CDH23: variants seen among roughly 807,000 people sequenced by gnomAD.
The protein encoded by CDH23 is cadherin related 23, also known as cadherin-23.
CDH23 carries 189 observed loss-of-function variants against 317.1 expected under a neutral mutation model. The ratio of observed to expected loss-of-function variants is 0.60; its 90% CI spans 0.53 to 0.67. CDH23 has a LOEUF of 0.67. CDH23 is among the 30% of genes least tolerant of loss of function. The pLI is 0.00. For missense variants in CDH23, 4,401 were observed against 4,592.4 expected (o/e 0.96, Z 1.20); for synonymous variants, 1,839 against 1,876.8 (o/e 0.98, Z 0.52).
At chr10:71,755,286 C>T in intron 38 of CDH23, 2 of 1,375,496 alleles carry the variant, frequency 1.5e-6, no homozygotes, top group East Asian at 4.9e-5. Flanking sequence ...TTTGCGAATC[C>T]CAGGGGCTGA....
chr10:71,448,645 C>G (rs1178185628), intron 3 of CDH23, among the ~76,000 whole-genome samples: 1 of 152,228 alleles, frequency 6.6e-6, no homozygotes, highest in Non-Finnish European at 1.5e-5. Context: ...GGGCACAGCA[C>G]TGCACCTCTC....
At chr10:71,520,884 G>A (rs1190076711) in intron 6 of CDH23, among the ~76,000 whole-genome samples, 4 of 152,224 alleles carry the variant, frequency 2.6e-5, no homozygotes, top group African/African-American at 9.7e-5. Context: ...TTGTTTTGAT[G>A]TGTGCGCAGG....
At chr10:71,644,393 C>A (rs186790032) in intron 12 of CDH23, among the ~76,000 whole-genome samples, 5 of 152,334 alleles carry the variant, frequency 3.3e-5, no homozygotes, top group Admixed American at 6.5e-5. Flanking sequence ...TGGGAAAAAC[C>A]CAAGAGACTG....
intron 38 of CDH23, among the ~76,000 whole-genome samples, chr10:71,767,003 G>A (rs1215845459): frequency 6.6e-6 from 1 of 152,198 alleles, no homozygotes; most frequent in East Asian, 1.9e-4. Context: ...ATTTACCAAG[G>A]TCCTAACATG....
rs558057374 is a variant in CDH23 at position 71,572,902 on chromosome 10, C to G, written c.753+1984C>G. On this transcript the variant is annotated intron_variant, in intron 8 of 69. Transcript: ENST00000224721. ...CTTTGGGTCTCCAGGGCATCATGCCCAGAGCTAAGTGCAGGGAAGATGCCC... is the reference window on the plus strand; with the variant it reads ...CTTTGGGTCTCCAGGGCATCATGCCGAGAGCTAAGTGCAGGGAAGATGCCC... 3.9e-5 allele frequency among the ~76,000 whole-genome samples: 6 copies of G among 152,276 alleles called. No homozygotes were observed. In the East Asian group the frequency reaches 9.7e-4, roughly 25 times the overall value.
At chr10:71,664,807 C>G (rs1182414426) in intron 14 of CDH23, among the ~76,000 whole-genome samples, 1 of 151,868 alleles carries the variant, frequency 6.6e-6, no homozygotes, top group African/African-American at 2.4e-5. Context: ...CTTTGATCTC[C>G]TCCCCCTTCC....
intron 1 of CDH23, among the ~76,000 whole-genome samples, chr10:71,418,456 C>G (rs1439621884): frequency 6.6e-6 from 1 of 152,204 alleles, no homozygotes; most frequent in Non-Finnish European, 1.5e-5. Context: ...GTTCATGTCT[C>G]TGTGCCTCCC....
intron 3 of CDH23, among the ~76,000 whole-genome samples, chr10:71,503,184 C>T (rs1337715171): frequency 1.3e-5 from 2 of 152,230 alleles, no homozygotes; most frequent in Non-Finnish European, 2.9e-5. Context: ...TCCCAAGGGG[C>T]CTTAGCAGTC....
At chr10:71,688,544 GGTGGAGTCAGGGA>G (rs1865005221) in intron 19 of CDH23, among the ~76,000 whole-genome samples, 4 of 148,536 alleles carry the variant, frequency 2.7e-5, no homozygotes, top group Admixed American at 6.7e-5. Context: ...AACCAGGGAT[GGTGGAGTCAGGGA>G]TGGTGGAGCC....
chr10:71,755,252 A>C, intron 38 of CDH23: 1 of 1,021,444 alleles, frequency 9.8e-7, no homozygotes, highest in Non-Finnish European at 1.5e-6. Flanking sequence ...CTCAAATGAA[A>C]AGGAATTGTG....
In CDH23 at chr10:71,777,576, G is replaced by A. The variant is rs560033570; in HGVS notation, c.4846-104G>A. On this transcript the variant is annotated intron_variant, in intron 38 of 69. Transcript: ENST00000224721. Reference sequence around the variant, plus strand: ...CTGCTTTCTTCTCCTTGCCCTTTCTGTTTGAGTCACATGGAGTGAGTTCAG... The same window carrying A: ...CTGCTTTCTTCTCCTTGCCCTTTCTATTTGAGTCACATGGAGTGAGTTCAG... 1.2e-4 allele frequency: 120 copies of A among 977,382 alleles called. No individual in the cohort carries two copies. In the Middle Eastern group the frequency reaches 1.9e-3, roughly 15 times the overall value. The allele number at this position is 977,382 out of a possible 1,614,324, so 60.5% of individuals were successfully genotyped here. A position where few individuals can be genotyped will look rare whatever the true frequency, so the allele number is the denominator to read the frequency against.
At chr10:71,511,237 G>C in intron 6 of CDH23, 25 bp downstream of exon 6, 1 of 1,592,596 alleles carries the variant, frequency 6.3e-7, no homozygotes. Flanking sequence ...GGTTACCCTT[G>C]AGGGTATCAG....
chr10:71,753,825 G>T (rs1260885630), intron 38 of CDH23: 3 of 456,482 alleles, frequency 6.6e-6, no homozygotes, highest in Non-Finnish European at 1.3e-5. Context: ...TTACCCAAAA[G>T]TTCCTGAAAT....
In CDH23 at chr10:71,751,608, G is replaced by A. The variant is rs535064782; in HGVS notation, c.4845+9687G>A. The A allele has an allele frequency of 6.7e-6, 10 of 1,483,122 alleles. No individual in the cohort carries two copies. In the African/African-American group the frequency reaches 1.3e-4, roughly 19 times the overall value. 91.9% of individuals were successfully genotyped at this position (1,483,122 alleles called of 1,614,324 possible). On this transcript the variant is annotated intron_variant, in intron 38 of 69. Transcript: ENST00000224721. The surrounding 1 kb of genome is among the most constrained non-coding windows in gnomAD (Gnocchi z 4.9). Reference sequence around the variant, plus strand: ...GGGCAGGGAGTGAGGCCGATGCCCTGCAGGCCATGAGGTCATGACCTTACA... The same window carrying A: ...GGGCAGGGAGTGAGGCCGATGCCCTACAGGCCATGAGGTCATGACCTTACA...
At chr10:71,572,688 G>C (rs906399086) in intron 8 of CDH23, among the ~76,000 whole-genome samples, 3 of 151,956 alleles carry the variant, frequency 2.0e-5, no homozygotes, top group Admixed American at 2.0e-4. Context: ...TTTTTTCCCT[G>C]GCTTCTTCCC....
At chr10:71,716,187 T>C (rs1589365856) in intron 28 of CDH23, 1 of 1,550,532 alleles carries the variant, frequency 6.4e-7, no homozygotes, top group South Asian at 1.2e-5. Flanking sequence ...AGCAGACAGG[T>C]GGCCAGCAGG....
At position 71,502,947 on chromosome 10, in the gene CDH23, G is replaced by A. The variant is rs778620324; in HGVS notation, c.146-7135G>A. Reference sequence around the variant, plus strand: ...GAGTTTCTGGCCCGCCCCTCATCTAGCAGGTACTGCTCTCCAGGAGCCGCA... The same window carrying A: ...GAGTTTCTGGCCCGCCCCTCATCTAACAGGTACTGCTCTCCAGGAGCCGCA... On this transcript the variant is annotated intron_variant, in intron 3 of 69. Transcript: ENST00000224721. Among the ~76,000 whole-genome samples, 90 of 152,308 alleles carry A rather than the reference G, an allele frequency of 5.9e-4. 1 individual carries two copies. The highest frequency in any genetic ancestry group is 9.6e-4 in the East Asian group (5 of 5,182).
chr10:71,756,037 G>A (rs151086535), intron 38 of CDH23, among the ~76,000 whole-genome samples: 1 of 152,112 alleles, frequency 6.6e-6, no homozygotes, highest in African/African-American at 2.4e-5. Context: ...TCTGGGATGG[G>A]GCCTCTAGAA....
chr10:71,804,673 C>T (rs1841657078), intron 55 of CDH23, among the ~76,000 whole-genome samples: 1 of 152,190 alleles, frequency 6.6e-6, no homozygotes, highest in African/African-American at 2.4e-5. Context: ...GTCCTCTTTG[C>T]TCTGCTTTGC....
Sources: gnomAD v4.1 joint callset for allele counts (sites outside exome capture counted in the v4.1 genomes callset) on GRCh38, gnomAD v4.1.1 for gene constraint, Gnocchi (gnomAD v3.1) non-coding constraint, MANE v1.5 for transcripts, NCBI Gene and HGNC (gene_info 2026-07-23, HGNC 2026-07-21) for gene names.